ONECUT2: variants seen among roughly 807,000 people sequenced by gnomAD.
ONECUT2 encodes the protein one cut homeobox 2.
In ONECUT2, 10 loss-of-function variants were observed where a neutral mutation model predicts 27.9. The ratio of observed to expected loss-of-function variants is 0.36; its 90% CI spans 0.22 to 0.61. The LOEUF is 0.61. ONECUT2 is among the 20% of genes least tolerant of loss of function. The probability of loss-of-function intolerance (pLI) is 0.73; values close to 1 mark genes in which losing one functional copy is unlikely to be tolerated. For synonymous variants in ONECUT2, 334 were observed against 315.1 expected (o/e 1.06, Z -0.64); for missense variants, 686 against 721.0 (o/e 0.95, Z 0.56).
chr18:57,485,336 T>C lies in ONECUT2; in HGVS notation c.*8613T>C, dbSNP rs1231874944. ...TTATGAGAGAAGTTTAAGCCTTACATCATTTGATACTAAAGGGTTATTTGT... is the reference window on the plus strand; with the variant it reads ...TTATGAGAGAAGTTTAAGCCTTACACCATTTGATACTAAAGGGTTATTTGT... On this transcript the variant is annotated 3_prime_UTR_variant, in exon 2 of 2. Transcript: ENST00000491143. 1 of 152,212 alleles carries C rather than the reference T, an allele frequency of 6.6e-6. No individual in the cohort carries two copies. Among genetic ancestry groups the C allele is most frequent in the Non-Finnish European group, 1.5e-5 (1 of 68,032 alleles). The allele number at this position is 152,212 out of a possible 1,614,324, so 9.4% of individuals were successfully genotyped here.
chr18:57,472,364 G>A (rs1266390556), intron 1 of ONECUT2, among the ~76,000 whole-genome samples: 3 of 152,168 alleles, frequency 2.0e-5, no homozygotes, highest in Non-Finnish European at 4.4e-5. Flanking sequence ...GACGTCATTG[G>A]ATCTGTCTCC....
chr18:57,442,104 ACACCACC>A (rs60204613), intron 1 of ONECUT2, among the ~76,000 whole-genome samples: 15,489 of 151,868 alleles, frequency 0.1, 967 homozygotes, highest in South Asian at 0.17. Context: ...CTTGTGGGGG[ACACCACC>A]ACACCCTGCC....
At chr18:57,452,122 G>A (rs1378668312) in intron 1 of ONECUT2, among the ~76,000 whole-genome samples, 4 of 152,054 alleles carry the variant, frequency 2.6e-5, no homozygotes, top group African/African-American at 7.2e-5. Context: ...TAAGTGTGGG[G>A]GTATTTCACA....
At chr18:57,442,054 T>C (rs2050177823) in intron 1 of ONECUT2, among the ~76,000 whole-genome samples, 1 of 147,694 alleles carries the variant, frequency 6.8e-6, no homozygotes, top group Non-Finnish European at 1.5e-5. Flanking sequence ...AACACCTGCA[T>C]TGACTGGAAA....
chr18:57,476,591 G>A lies in ONECUT2; in HGVS notation c.1383G>A (p.Gln461=), dbSNP rs746543185. The A allele has an allele frequency of 6.2e-7, 1 of 1,614,224 alleles. No homozygotes were observed. Among genetic ancestry groups the A allele is most frequent in the Non-Finnish European group, 8.5e-7 (1 of 1,180,046 alleles). The stretch of plus-strand genomic sequence containing the variant: ...AGGAGATGCAGATCACCATTTCCCA[G>A]CAGCTGGGCCTGGAGCTCACAACCG... ...PSKEMQITIS[Q]QLGLELTTVS... is the part of the protein sequence containing the mutation. Residue 461 remains glutamine (Q), a synonymous_variant, in exon 2 of 2, where the codon CAG becomes CAA. Transcript: ENST00000491143.
rs1472630333 is a variant in ONECUT2, at chr18:57,483,180, C to G, written c.*6457C>G. On this transcript the variant is annotated 3_prime_UTR_variant, in exon 2 of 2. Coordinates refer to ENST00000491143, the MANE Select transcript of ONECUT2 (RefSeq NM_004852.3). The stretch of plus-strand genomic sequence containing the variant: ...AAAAAATAATAAAGTCAAGCGCAAA[C>G]TGATGGGGAGACAGTGGGCTCTGGT... The G allele has an allele frequency of 6.6e-6, 1 of 151,374 alleles. No homozygotes were observed. The highest frequency in any genetic ancestry group is 1.5e-5 in the Non-Finnish European group (1 of 67,744). The allele number at this position is 151,374 out of a possible 1,614,324, so 9.4% of individuals were successfully genotyped here.
intron 1 of ONECUT2, among the ~76,000 whole-genome samples, chr18:57,444,199 T>C (rs2050190127): frequency 1.3e-5 from 2 of 152,342 alleles, no homozygotes; most frequent in African/African-American, 4.8e-5. Context: ...TAAATACTTG[T>C]GCTGCTCCAA....
rs140674435 is a variant in ONECUT2 at position 57,452,149 on chromosome 18, C to T, written c.1228+15205C>T. Among the ~76,000 whole-genome samples the T allele has an allele frequency of 4.7e-3, 709 of 152,206 alleles. 4 individuals carry two copies. The highest frequency in any genetic ancestry group is 0.015 in the African/African-American group (630 of 41,512). On this transcript the variant is annotated intron_variant, in intron 1 of 1. Coordinates refer to ENST00000491143, the MANE Select transcript of ONECUT2 (RefSeq NM_004852.3). ...TATTTCACATTCATAAGTAACAAAC[C>T]TATGCCCACCTGGACAGGAACCACG...
At chr18:57,462,584 G>T (rs577414609) in intron 1 of ONECUT2, among the ~76,000 whole-genome samples, 2 of 151,774 alleles carry the variant, frequency 1.3e-5, no homozygotes, top group Admixed American at 1.3e-4. Context: ...GTAGAGACAG[G>T]GTCTCACTTT....
At chr18:57,472,831 A>C (rs2050361403) in intron 1 of ONECUT2, among the ~76,000 whole-genome samples, 2 of 152,202 alleles carry the variant, frequency 1.3e-5, no homozygotes, top group Admixed American at 1.3e-4. Context: ...CTGAAGAATA[A>C]TCAATATTGG....
rs1330516706 is a variant in ONECUT2, at chr18:57,489,760, A to G, written c.*13037A>G. ...TCCTTTCTTTACAGTTTTGTGTTAC[A>G]CAAGTCCAAGTGGTGCCAGCAAACT... On this transcript the variant is annotated 3_prime_UTR_variant, in exon 2 of 2. Coordinates refer to ENST00000491143, the MANE Select transcript of ONECUT2 (RefSeq NM_004852.3). The G allele has an allele frequency of 6.6e-6, 1 of 152,176 alleles. No homozygotes were observed. Among genetic ancestry groups the G allele is most frequent in the African/African-American group, 2.4e-5 (1 of 41,444 alleles). 9.4% of individuals were successfully genotyped at this position (152,176 alleles called of 1,614,324 possible).
chr18:57,435,932 C>T lies in ONECUT2; in HGVS notation c.216C>T (p.Arg72=). 1 of 1,188,120 alleles carries T rather than the reference C, an allele frequency of 8.4e-7. No homozygotes were observed. The highest frequency in any genetic ancestry group is 1.0e-6 in the Non-Finnish European group (1 of 961,884). The allele number at this position is 1,188,120 out of a possible 1,614,324, so 73.6% of individuals were successfully genotyped here. A position where few individuals can be genotyped will look rare whatever the true frequency, so the allele number is the denominator to read the frequency against. ...LASPSPHHAG[R]GAAGSLRGPP... ...GCCCCAGCCCCCACCACGCGGGCCG[C>T]GGCGCCGCTGGCTCGCTGCGGGGCC... is the stretch of plus-strand genomic sequence containing the variant. Residue 72 remains arginine, a synonymous_variant, in exon 1 of 2, where the codon CGC becomes CGT. Coordinates refer to ENST00000491143, the MANE Select transcript of ONECUT2 (RefSeq NM_004852.3).
chr18:57,466,110 T>G (rs186807521), intron 1 of ONECUT2, among the ~76,000 whole-genome samples: 81 of 152,302 alleles, frequency 5.3e-4, no homozygotes, highest in Middle Eastern at 6.8e-3. Context: ...TTGTTTTGTT[T>G]TTTTGCCTAG....
At chr18:57,453,678 C>G (rs1157342535) in intron 1 of ONECUT2, among the ~76,000 whole-genome samples, 1 of 152,272 alleles carries the variant, frequency 6.6e-6, no homozygotes, top group African/African-American at 2.4e-5. Flanking sequence ...CATGCATTAG[C>G]CGGAGTCATA....
intron 1 of ONECUT2, chr18:57,444,230 G>A (rs1276056911): frequency 7.9e-6 from 3 of 381,114 alleles, no homozygotes; most frequent in African/African-American, 6.3e-5. Flanking sequence ...TTCATTTACA[G>A]TTTTCTCTGT....
intron 1 of ONECUT2, among the ~76,000 whole-genome samples, chr18:57,457,292 G>A (rs1158972789): frequency 6.6e-6 from 1 of 152,200 alleles, no homozygotes; most frequent in African/African-American, 2.4e-5. Flanking sequence ...TCAGAGCTCT[G>A]AGGGGGAACC....
At chr18:57,471,689 G>A (rs1598943097) in intron 1 of ONECUT2, among the ~76,000 whole-genome samples, 2 of 152,196 alleles carry the variant, frequency 1.3e-5, no homozygotes, top group African/African-American at 4.8e-5. Context: ...ATGTGTACAT[G>A]CCTGCCAGTA....
chr18:57,469,255 C>T (rs916670542), intron 1 of ONECUT2, among the ~76,000 whole-genome samples: 8 of 152,252 alleles, frequency 5.3e-5, no homozygotes, highest in Admixed American at 1.3e-4. Flanking sequence ...AGCTGAAAAG[C>T]GAAAAGGCCT....
chr18:57,473,251 T>C (rs193087070), intron 1 of ONECUT2, among the ~76,000 whole-genome samples: 49 of 152,358 alleles, frequency 3.2e-4, no homozygotes, highest in Non-Finnish European at 2.5e-4. Flanking sequence ...TTATTCTTTC[T>C]TTCCCTGGGT....
Sources: allele counts gnomAD v4.1 joint callset (sites outside exome capture counted in the v4.1 genomes callset), GRCh38; gene constraint gnomAD v4.1.1; transcripts MANE v1.5; gene names NCBI Gene and HGNC (gene_info 2026-07-23, HGNC 2026-07-21).